PRELID2: variants seen among roughly 807,000 people sequenced by gnomAD.
PRELID2 encodes the protein PRELI domain-containing protein 2.
Under a neutral mutation model 28.4 loss-of-function variants are expected in PRELID2, and 25 were observed. That is an observed-to-expected ratio of 0.88 (90% CI 0.64 to 1.23). The LOEUF (loss-of-function observed/expected upper bound fraction) is 1.23. PRELID2 is among the 50% of genes most tolerant of loss of function. The pLI is 0.00. For synonymous variants in PRELID2, 76 were observed against 71.6 expected, an observed-to-expected ratio of 1.06 and a Z score of -0.31; for missense variants, 201 against 214.4, an observed-to-expected ratio of 0.94 and a Z score of 0.39.
chr5:145,232,402 T>A, the PRELID2 span, among the ~76,000 whole-genome samples: 22 of 152,102 alleles, frequency 1.4e-4, no homozygotes, highest in Non-Finnish European at 2.6e-4. Context: ...AAGTAGGGCT[T>A]CCAACCCAGG....
intron 1 of PRELID2, among the ~76,000 whole-genome samples, chr5:145,689,398 A>G (rs1755100305): frequency 1.3e-5 from 2 of 152,198 alleles, no homozygotes; most frequent in Non-Finnish European, 2.9e-5. Flanking sequence ...AACAGAAAGG[A>G]ACAAGGCCCT....
intron 1 of PRELID2, among the ~76,000 whole-genome samples, chr5:145,612,704 T>C (rs1196933082): frequency 6.6e-6 from 1 of 152,210 alleles, no homozygotes; most frequent in Non-Finnish European, 1.5e-5. Flanking sequence ...AGTGAAAACA[T>C]ACGATGTTTG....
the PRELID2 span, among the ~76,000 whole-genome samples, chr5:145,428,881 G>T: frequency 6.6e-6 from 1 of 152,082 alleles, no homozygotes; most frequent in African/African-American, 2.4e-5. Flanking sequence ...CCCCCAGGCA[G>T]GTGCATGCTA....
chr5:145,547,134 A>C (rs1331558406), intron 1 of PRELID2, among the ~76,000 whole-genome samples: 5 of 152,126 alleles, frequency 3.3e-5, no homozygotes, highest in African/African-American at 7.2e-5. Flanking sequence ...GGTTCTCAAA[A>C]TTTGGCAGCA....
At chr5:145,252,529 A>G in the PRELID2 span, among the ~76,000 whole-genome samples, 1 of 152,162 alleles carries the variant, frequency 6.6e-6, no homozygotes, top group African/African-American at 2.4e-5. Context: ...AGTGCTTAAC[A>G]TAATTCCTAG....
At chr5:145,430,123 A>G in the PRELID2 span, among the ~76,000 whole-genome samples, 1 of 152,172 alleles carries the variant, frequency 6.6e-6, no homozygotes, top group Non-Finnish European at 1.5e-5. Context: ...CGATGAAGTA[A>G]TAGTTAATTA....
intron 1 of PRELID2, 86 bp downstream of exon 1, chr5:145,835,091 G>T: frequency 1.1e-6 from 1 of 917,022 alleles, no homozygotes; most frequent in South Asian, 1.5e-5. Flanking sequence ...CACTGGCGGT[G>T]CCAGCTTCCG....
chr5:145,576,792 T>C (rs556222285), intron 1 of PRELID2, among the ~76,000 whole-genome samples: 64 of 152,260 alleles, frequency 4.2e-4, no homozygotes, highest in Non-Finnish European at 8.4e-4. Flanking sequence ...ATTATATATT[T>C]CAAAATAGCT....
At chr5:145,648,370 A>G (rs978316185) in intron 1 of PRELID2, among the ~76,000 whole-genome samples, 1 of 152,114 alleles carries the variant, frequency 6.6e-6, no homozygotes, top group African/African-American at 2.4e-5. Context: ...TAGCAGGTCC[A>G]TGCCTATAAG....
the PRELID2 span, among the ~76,000 whole-genome samples, chr5:145,329,243 G>C: frequency 6.6e-6 from 1 of 152,086 alleles, no homozygotes; most frequent in African/African-American, 2.4e-5. Flanking sequence ...TTTTTGCTTA[G>C]GATTGTCTTG....
intron 1 of PRELID2, among the ~76,000 whole-genome samples, chr5:145,503,087 G>T (rs1752374047): frequency 1.3e-5 from 2 of 152,120 alleles, no homozygotes; most frequent in Admixed American, 6.5e-5. Context: ...CACAGGGGGT[G>T]GAGGCCTGGG....
At chr5:145,241,955 A>G in the PRELID2 span, among the ~76,000 whole-genome samples, 1 of 151,966 alleles carries the variant, frequency 6.6e-6, no homozygotes, top group Non-Finnish European at 1.5e-5. Context: ...TAAAAAAAAA[A>G]GTTCCCCATA....
the PRELID2 span, among the ~76,000 whole-genome samples, chr5:145,303,794 C>T: frequency 6.6e-6 from 1 of 152,182 alleles, no homozygotes; most frequent in Admixed American, 6.5e-5. Flanking sequence ...TCCTCCATTT[C>T]ATGATGGTGC....
chr5:145,364,875 A>G, the PRELID2 span, among the ~76,000 whole-genome samples: 1 of 151,970 alleles, frequency 6.6e-6, no homozygotes, highest in Non-Finnish European at 1.5e-5. Flanking sequence ...ATCGAAAAGG[A>G]TTTCTGAAAA....
At chr5:145,813,325 T>C (rs953951812) in intron 4 of PRELID2, among the ~76,000 whole-genome samples, 3 of 152,202 alleles carry the variant, frequency 2.0e-5, no homozygotes, top group African/African-American at 7.2e-5. Context: ...CCATTACCCA[T>C]TCATTTAGAA....
the PRELID2 span, among the ~76,000 whole-genome samples, chr5:145,340,899 C>T: frequency 2.6e-5 from 4 of 151,296 alleles, no homozygotes; most frequent in Non-Finnish European, 4.4e-5. Context: ...GGCCCAAAGA[C>T]TGGCCTACCA....
chr5:145,303,196 T>C, the PRELID2 span, among the ~76,000 whole-genome samples: 56 of 152,180 alleles, frequency 3.7e-4, no homozygotes, highest in Admixed American at 3.0e-3. Flanking sequence ...AGTAGGAGAG[T>C]GATAAAATGT....
At chr5:145,370,643 T>G in the PRELID2 span, among the ~76,000 whole-genome samples, 1 of 152,170 alleles carries the variant, frequency 6.6e-6, no homozygotes, top group Non-Finnish European at 1.5e-5. Context: ...AAGTAGTTTT[T>G]CTAATTCTGC....
the PRELID2 span, among the ~76,000 whole-genome samples, chr5:145,360,821 T>A: frequency 6.6e-6 from 1 of 152,186 alleles, no homozygotes; most frequent in African/African-American, 2.4e-5. Flanking sequence ...GATACTATTA[T>A]AATAATTTTG....
Sources: allele counts gnomAD v4.1 joint callset (sites outside exome capture counted in the v4.1 genomes callset), GRCh38; gene constraint gnomAD v4.1.1; transcripts MANE v1.5; gene names NCBI Gene and HGNC (gene_info 2026-07-23, HGNC 2026-07-21).